Variants in FSHR observed in about 807,000 individuals in gnomAD.
FSHR encodes follicle stimulating hormone receptor, also known as follicle-stimulating hormone receptor.
FSHR carries 46 observed loss-of-function variants against 52.1 expected under a neutral mutation model. The observed-to-expected ratio is 0.88, with a 90% CI of 0.70 to 1.13. The LOEUF (loss-of-function observed/expected upper bound fraction) is 1.13, where lower values mean the gene tolerates loss of function less well. Ranked by LOEUF, FSHR falls within the 50% of genes most tolerant of loss-of-function variation. The pLI is 0.00. For synonymous variants in FSHR, 399 were observed against 309.6 expected, an observed-to-expected ratio of 1.29 and a Z score of -3.03; for missense variants, 964 against 834.6, an observed-to-expected ratio of 1.16 and a Z score of -1.91.
intron 1 of FSHR, among the ~76,000 whole-genome samples, chr2:49,081,899 C>T (rs1443063757): frequency 6.6e-6 from 1 of 152,220 alleles, no homozygotes; most frequent in Non-Finnish European, 1.5e-5. Flanking sequence ...TTCTGGCAGT[C>T]TGGAAGACAG....
intron 1 of FSHR, among the ~76,000 whole-genome samples, chr2:49,094,244 A>G (rs1478903625): frequency 6.6e-6 from 1 of 152,160 alleles, no homozygotes; most frequent in Non-Finnish European, 1.5e-5. Flanking sequence ...TGCCACCACC[A>G]TTAAGCTCCT....
chr2:48,968,728 CA>C lies in FSHR; in HGVS notation c.823del (p.Cys275AlafsTer23). 1 of 1,614,128 alleles carries C rather than the reference CA, an allele frequency of 6.2e-7. No individual in the cohort carries two copies. The highest frequency in any genetic ancestry group is 8.5e-7 in the Non-Finnish European group (1 of 1,179,996). On this transcript the variant is annotated frameshift_variant, in exon 9 of 10. Transcript: ENST00000406846. LOFTEE classifies it high-confidence loss of function. ...MEASLTYPSHCCAFANWRRQI... is the reference protein window; with the variant it reads ...MEASLTYPSHXCAFANWRRQI... Reference sequence around the variant, plus strand: ...CCGTCTCCAGTTTGCAAAGGCACAGCAATGGCTGGGATAGGTGAGGCTGGCT... The same window carrying C: ...CCGTCTCCAGTTTGCAAAGGCACAGCATGGCTGGGATAGGTGAGGCTGGCT...
At chr2:49,091,671 G>T (rs574778852) in intron 1 of FSHR, among the ~76,000 whole-genome samples, 1 of 152,100 alleles carries the variant, frequency 6.6e-6, no homozygotes. Flanking sequence ...GATGAATTAC[G>T]TTAGATTTCT....
intron 1 of FSHR, among the ~76,000 whole-genome samples, chr2:49,096,451 G>A (rs184440403): frequency 2.0e-5 from 3 of 152,330 alleles, no homozygotes; most frequent in Admixed American, 6.5e-5. Flanking sequence ...CATTGGCTAG[G>A]GGGAGAAGGA....
At chr2:49,109,568 G>C (rs185026246) in intron 1 of FSHR, among the ~76,000 whole-genome samples, 13 of 152,078 alleles carry the variant, frequency 8.5e-5, no homozygotes, top group African/African-American at 2.9e-4. Flanking sequence ...GAGTGGACTG[G>C]GGGGACAGTG....
At chr2:49,003,549 C>T (rs1238535835) in intron 4 of FSHR, among the ~76,000 whole-genome samples, 1 of 152,082 alleles carries the variant, frequency 6.6e-6, no homozygotes, top group Non-Finnish European at 1.5e-5. Flanking sequence ...TAGAATATTC[C>T]TGTACCAGGA....
chr2:49,088,459 T>C (rs1450221985), intron 1 of FSHR, among the ~76,000 whole-genome samples: 1 of 152,188 alleles, frequency 6.6e-6, no homozygotes, highest in Admixed American at 6.5e-5. Context: ...AATTGAACTT[T>C]TGTTACTCTA....
intron 1 of FSHR, among the ~76,000 whole-genome samples, chr2:49,093,595 C>CCTTTTTTTTT (rs1553344384): frequency 7.5e-6 from 1 of 132,944 alleles, no homozygotes. Flanking sequence ...TTATATTTAT[C>CCTTTTTTTTT]TTTTTTTTTT....
intron 4 of FSHR, among the ~76,000 whole-genome samples, chr2:48,998,142 A>G (rs1419363133): frequency 2.0e-5 from 3 of 152,020 alleles, no homozygotes; most frequent in Non-Finnish European, 4.4e-5. Flanking sequence ...TTTTTTTCAA[A>G]AAGACAAGTG....
chr2:48,982,807 T>A, intron 8 of FSHR, 105 bp downstream of exon 8: 5 of 1,005,104 alleles, frequency 5.0e-6, no homozygotes, highest in Non-Finnish European at 7.9e-6. Flanking sequence ...AAATTGAACT[T>A]GATGGCCAGC....
At chr2:48,992,902 A>G (rs1486805637) in intron 4 of FSHR, among the ~76,000 whole-genome samples, 1 of 152,156 alleles carries the variant, frequency 6.6e-6, no homozygotes, top group Non-Finnish European at 1.5e-5. Flanking sequence ...TGTGACTGTC[A>G]TGCCAAAGTC....
chr2:49,011,130 A>G (rs549137754), intron 4 of FSHR, among the ~76,000 whole-genome samples: 2,158 of 150,668 alleles, frequency 0.014, 43 homozygotes, highest in African/African-American at 0.045. Flanking sequence ...TAGGGTGTCA[A>G]TTTTGGATCT....
At chr2:49,040,093 T>C (rs1668427187) in intron 2 of FSHR, among the ~76,000 whole-genome samples, 1 of 152,200 alleles carries the variant, frequency 6.6e-6, no homozygotes, top group African/African-American at 2.4e-5. Flanking sequence ...AGGCATACAG[T>C]GAATACATAG....
intron 1 of FSHR, among the ~76,000 whole-genome samples, chr2:49,139,878 G>T (rs190977997): frequency 7.2e-5 from 11 of 152,096 alleles, no homozygotes; most frequent in Admixed American, 6.5e-4. Flanking sequence ...GATTACAGGC[G>T]TGAGCCACCG....
chr2:49,001,481 A>C (rs1187441120), intron 4 of FSHR, among the ~76,000 whole-genome samples: 1 of 152,154 alleles, frequency 6.6e-6, no homozygotes, highest in African/African-American at 2.4e-5. Flanking sequence ...CCAAGCAGCA[A>C]ACTTTTGAGA....
chr2:49,047,532 G>T (rs1460914457), intron 2 of FSHR, among the ~76,000 whole-genome samples: 1 of 152,200 alleles, frequency 6.6e-6, no homozygotes, highest in African/African-American at 2.4e-5. Context: ...AAGTCAGCCA[G>T]GATATGGTTT....
At chr2:49,051,565 A>C (rs1438119647) in intron 2 of FSHR, among the ~76,000 whole-genome samples, 1 of 152,174 alleles carries the variant, frequency 6.6e-6, no homozygotes, top group African/African-American at 2.4e-5. Context: ...TTATATATAG[A>C]AAGATATGTT....
chr2:49,021,886 T>TATAGAGAGAG (rs1273265515), intron 2 of FSHR, among the ~76,000 whole-genome samples: 19 of 25,118 alleles, frequency 7.6e-4, no homozygotes, highest in East Asian at 2.7e-3. Context: ...TATATATATA[T>TATAGAGAGAG]AGAGAGAGAG....
intron 2 of FSHR, among the ~76,000 whole-genome samples, chr2:49,058,903 A>G (rs936129379): frequency 6.6e-6 from 1 of 152,204 alleles, no homozygotes; most frequent in African/African-American, 2.4e-5. Flanking sequence ...ATTCAATGCA[A>G]TTACTATCAA....
Sources: gnomAD v4.1 joint callset for allele counts (sites outside exome capture counted in the v4.1 genomes callset) on GRCh38, gnomAD v4.1.1 for gene constraint, MANE v1.5 for transcripts, NCBI Gene and HGNC (gene_info 2026-07-23, HGNC 2026-07-21) for gene names.